IKZF3: variants seen among roughly 807,000 people sequenced by gnomAD.
The protein encoded by IKZF3 is zinc finger protein Aiolos.
Under a neutral mutation model 49.0 loss-of-function variants are expected in IKZF3, and 10 were observed. That is an observed-to-expected ratio of 0.20 (90% CI 0.13 to 0.35). The LOEUF is 0.35. IKZF3 is among the 10% of genes least tolerant of loss of function. IKZF3 has a pLI of 1.00. For missense variants in IKZF3, 498 were observed against 664.8 expected (o/e 0.75, Z 2.76); for synonymous variants, 209 against 228.2 (o/e 0.92, Z 0.76).
intron 6 of IKZF3, among the ~76,000 whole-genome samples, chr17:39,786,789 C>G (rs994513303): frequency 5.9e-5 from 9 of 151,902 alleles, no homozygotes; most frequent in African/African-American, 1.9e-4. Flanking sequence ...GTAAACATTT[C>G]TTTTTATTTG....
intron 3 of IKZF3, among the ~76,000 whole-genome samples, chr17:39,809,480 C>A (rs2061502984): frequency 6.6e-6 from 1 of 152,232 alleles, no homozygotes; most frequent in Non-Finnish European, 1.5e-5. Context: ...GCTCTGACAT[C>A]TTCATTCACC....
At chr17:39,784,244 T>C (rs560793998) in intron 6 of IKZF3, among the ~76,000 whole-genome samples, 2 of 152,340 alleles carry the variant, frequency 1.3e-5, no homozygotes, top group African/African-American at 4.8e-5. Flanking sequence ...TGTTAGTCTC[T>C]TTCTGAAATA....
At chr17:39,851,891 C>T (rs1051255588) in intron 1 of IKZF3, among the ~76,000 whole-genome samples, 3 of 152,036 alleles carry the variant, frequency 2.0e-5, no homozygotes, top group Admixed American at 2.0e-4. Flanking sequence ...TATCTTCTTG[C>T]TTTTGAAAAA....
At position 39,766,435 on chromosome 17, in the gene IKZF3, C is replaced by T. The variant is rs776039774; in HGVS notation, c.885G>A (p.Glu295=). 3.1e-5 allele frequency: 50 copies of T among 1,613,960 alleles called. No homozygotes were observed. The highest frequency in any genetic ancestry group is 4.2e-5 in the Non-Finnish European group (50 of 1,180,036). ...TCATGCGGGTCTGTATGAGCTCACT[C>T]TCTTTCTCATACATGTAACTTGAAT... ...NYNSSYMYEK[E]SELIQTRMMD... The change falls in exon 8 of 8, where the codon GAG becomes GAA. Residue 295 remains glutamate, a synonymous_variant. Coordinates refer to ENST00000346872, the MANE Select transcript of IKZF3 (RefSeq NM_012481.5).
intron 3 of IKZF3, among the ~76,000 whole-genome samples, chr17:39,804,466 T>TTGAA (rs1239823558): frequency 6.7e-6 from 1 of 149,438 alleles, no homozygotes; most frequent in Non-Finnish European, 1.5e-5. Context: ...AAAAAAGAAA[T>TTGAA]TGAATGAATG....
chr17:39,782,987 A>G (rs990627999), intron 6 of IKZF3, among the ~76,000 whole-genome samples: 3 of 152,192 alleles, frequency 2.0e-5, no homozygotes, highest in African/African-American at 7.2e-5. Context: ...TATAAGTCTT[A>G]ATATTTGGTT....
chr17:39,807,400 T>G lies in IKZF3; in HGVS notation c.164-14467A>C, dbSNP rs560124714. On this transcript the variant is annotated intron_variant, in intron 3 of 7. Transcript: ENST00000346872. ...ATGTACTATATAAATACAATGATAT[T>G]CTTTTTTTTTTTTTTTTTGACAGAG... 5.3e-5 allele frequency among the ~76,000 whole-genome samples: 8 copies of G among 149,834 alleles called. No homozygotes were observed. The East Asian group carries it at 1.4e-3, about 26-fold the overall frequency.
intron 1 of IKZF3, 131 bp downstream of exon 1, chr17:39,863,989 T>C (rs1482386353): frequency 1.7e-6 from 2 of 1,204,656 alleles, no homozygotes; most frequent in African/African-American, 3.0e-5. Flanking sequence ...TCCTCTGAAA[T>C]ACCTCATATT....
chr17:39,786,059 G>A (rs577401620), intron 6 of IKZF3, among the ~76,000 whole-genome samples: 218 of 152,318 alleles, frequency 1.4e-3, no homozygotes, highest in African/African-American at 5.0e-3. Context: ...AGAGGAAGGG[G>A]GAATAGGGAG....
chr17:39,835,855 T>C, intron 1 of IKZF3: 1 of 605,596 alleles, frequency 1.7e-6, no homozygotes, highest in South Asian at 1.4e-5. Context: ...TCTGTATGCT[T>C]ACTGATCTCA....
intron 2 of IKZF3, among the ~76,000 whole-genome samples, chr17:39,831,209 C>T (rs1368914435): frequency 6.6e-6 from 1 of 152,172 alleles, no homozygotes; most frequent in East Asian, 1.9e-4. Flanking sequence ...TGGTGAAACC[C>T]CGCCTCTACT....
At chr17:39,816,317 T>G (rs946370424) in intron 3 of IKZF3, among the ~76,000 whole-genome samples, 1 of 152,228 alleles carries the variant, frequency 6.6e-6, no homozygotes, top group Non-Finnish European at 1.5e-5. Flanking sequence ...ACTGATGCCC[T>G]TTTGAAATGG....
At chr17:39,856,252 A>ATT (rs1408529602) in intron 1 of IKZF3, among the ~76,000 whole-genome samples, 1 of 152,182 alleles carries the variant, frequency 6.6e-6, no homozygotes, top group Non-Finnish European at 1.5e-5. Flanking sequence ...GGCACTTAAT[A>ATT]AAGTACAGGG....
At chr17:39,811,109 T>C (rs2061541750) in intron 3 of IKZF3, among the ~76,000 whole-genome samples, 1 of 151,832 alleles carries the variant, frequency 6.6e-6, no homozygotes, top group South Asian at 2.1e-4. Context: ...TGGTGGTGGG[T>C]GCCTGTAGAC....
intron 3 of IKZF3, among the ~76,000 whole-genome samples, chr17:39,798,273 A>G (rs922245086): frequency 6.6e-6 from 1 of 150,982 alleles, no homozygotes; most frequent in African/African-American, 2.5e-5. Flanking sequence ...ACCTCTGGTC[A>G]TGTCATAGCC....
Position 39,833,356 on chromosome 17 carries a change from C to A in IKZF3, c.8-1205G>T, listed in dbSNP as rs371194343. Among the ~76,000 whole-genome samples, 23 of 152,252 alleles carry A rather than the reference C, an allele frequency of 1.5e-4. No homozygotes were observed. In the East Asian group the frequency reaches 4.4e-3, roughly 29 times the overall value. On this transcript the variant is annotated intron_variant, in intron 1 of 7. Transcript: ENST00000346872. Reference sequence around the variant, plus strand: ...ATCCTCATGTAATGCAAACCCCTATCAAGATACAGAACATTACCATCATCC... The same window carrying A: ...ATCCTCATGTAATGCAAACCCCTATAAAGATACAGAACATTACCATCATCC...
chr17:39,809,278 T>C (rs1195441888), intron 3 of IKZF3, among the ~76,000 whole-genome samples: 3 of 152,228 alleles, frequency 2.0e-5, no homozygotes, highest in South Asian at 2.1e-4. Flanking sequence ...AGACTGTCAT[T>C]CCTGCAACCT....
chr17:39,848,057 G>C (rs1185234501), intron 1 of IKZF3, among the ~76,000 whole-genome samples: 1 of 152,158 alleles, frequency 6.6e-6, no homozygotes, highest in African/African-American at 2.4e-5. Flanking sequence ...ATTAAAGTGA[G>C]AGTAATCCCT....
At chr17:39,852,099 G>A (rs2062893733) in intron 1 of IKZF3, among the ~76,000 whole-genome samples, 1 of 151,964 alleles carries the variant, frequency 6.6e-6, no homozygotes, top group African/African-American at 2.4e-5. Flanking sequence ...CTGCAAATTG[G>A]GATTTCAAAA....
Sources: allele counts gnomAD v4.1 joint callset (sites outside exome capture counted in the v4.1 genomes callset), GRCh38; gene constraint gnomAD v4.1.1; transcripts MANE v1.5; gene names NCBI Gene and HGNC (gene_info 2026-07-23, HGNC 2026-07-21).